COPS5: variants seen among roughly 807,000 people sequenced by gnomAD.
COPS5 encodes COP9 signalosome subunit 5.
Under a neutral mutation model 44.4 loss-of-function variants are expected in COPS5, and 8 were observed. The observed-to-expected ratio is 0.18, with a 90% CI of 0.11 to 0.32. COPS5 has a LOEUF of 0.32. COPS5 is among the 10% of genes least tolerant of loss of function. The pLI is 1.00. For missense variants in COPS5, 159 were observed against 406.4 expected (o/e 0.39, Z 5.23); for synonymous variants, 122 against 142.8 (o/e 0.85, Z 1.04).
chr8:67,049,014 A>G (rs1816735584), intron 6 of COPS5, among the ~76,000 whole-genome samples: 1 of 152,210 alleles, frequency 6.6e-6, no homozygotes, highest in Non-Finnish European at 1.5e-5. Context: ...ATTTTTTAGT[A>G]TAGATATCAT....
rs776553636 is a variant in COPS5, at chr8:67,056,616, T to A, written c.574-12A>T. On this transcript the variant is annotated splice_polypyrimidine_tract_variant and intron_variant, in intron 4 of 7. Coordinates refer to ENST00000357849, the MANE Select transcript of COPS5 (RefSeq NM_006837.3). ...GGAGGTTTGTAGCCCTAAACAAAAA[T>A]GAGGTAAACAGAAGATTAAGAAAAA... 1.4e-6 allele frequency: 1 copy of A among 720,754 alleles called. No individual in the cohort carries two copies. The highest frequency in any genetic ancestry group is 2.0e-6 in the Non-Finnish European group (1 of 504,766). The allele number at this position is 720,754 out of a possible 1,614,324, so 44.6% of individuals were successfully genotyped here. A position where few individuals can be genotyped will look rare whatever the true frequency, so the allele number is the denominator to read the frequency against.
chr8:67,043,404 T>C, intron 7 of COPS5, 87 bp from the exon 8 acceptor site: 1 of 744,328 alleles, frequency 1.3e-6, no homozygotes, highest in Non-Finnish European at 2.2e-6. Context: ...TCCATGTAAC[T>C]CCAATGAGTT....
chr8:67,053,327 G>C (rs1449879322), intron 5 of COPS5, among the ~76,000 whole-genome samples: 2 of 150,960 alleles, frequency 1.3e-5, no homozygotes, highest in Non-Finnish European at 2.9e-5. Flanking sequence ...CTGACCTCAA[G>C]TGATCCACCG....
chr8:67,059,547 G>T (rs1328894246), intron 1 of COPS5, 102 bp from the exon 2 acceptor site: 6 of 814,350 alleles, frequency 7.4e-6, no homozygotes, highest in Non-Finnish European at 1.2e-5. Context: ...AATTTAGAGC[G>T]ATGGAAAGGG....
At chr8:67,050,508 G>A (rs1232450691) in intron 6 of COPS5, among the ~76,000 whole-genome samples, 1 of 151,906 alleles carries the variant, frequency 6.6e-6, no homozygotes, top group East Asian at 1.9e-4. Flanking sequence ...ATGTGATTAA[G>A]TAAAGCCAGT....
intron 5 of COPS5, among the ~76,000 whole-genome samples, chr8:67,055,168 A>T (rs77739367): frequency 0.025 from 3,774 of 152,300 alleles, 166 homozygotes; most frequent in African/African-American, 0.086. Context: ...TAAGGAAGTC[A>T]ATATGGCTGG....
intron 5 of COPS5, among the ~76,000 whole-genome samples, chr8:67,054,059 C>T (rs1405856648): frequency 2.0e-5 from 3 of 150,488 alleles, no homozygotes; most frequent in African/African-American, 7.3e-5. Context: ...AAATTCTAGT[C>T]TTTAGCAATG....
At chr8:67,055,232 G>A (rs1804485774) in intron 5 of COPS5, among the ~76,000 whole-genome samples, 1 of 152,228 alleles carries the variant, frequency 6.6e-6, no homozygotes, top group African/African-American at 2.4e-5. Context: ...GAGGCTGTAG[G>A]AGCCAGACCA....
At chr8:67,046,416 A>C (rs975502974) in intron 6 of COPS5, among the ~76,000 whole-genome samples, 8 of 152,162 alleles carry the variant, frequency 5.3e-5, no homozygotes, top group African/African-American at 1.9e-4. Flanking sequence ...AGTTTTTGGG[A>C]CTGTTCATGA....
At chr8:67,056,136 G>A (rs144284929) in intron 5 of COPS5, among the ~76,000 whole-genome samples, 3 of 152,000 alleles carry the variant, frequency 2.0e-5, no homozygotes, top group Non-Finnish European at 4.4e-5. Flanking sequence ...CAAATGACAT[G>A]CTAGTTTGAA....
At chr8:67,055,624 T>C (rs1319948120) in intron 5 of COPS5, among the ~76,000 whole-genome samples, 2 of 152,004 alleles carry the variant, frequency 1.3e-5, no homozygotes, top group East Asian at 3.9e-4. Context: ...TCCCAGCACT[T>C]TGGGAGGCCG....
chr8:67,056,945 GA>G (rs1804523085), intron 4 of COPS5, among the ~76,000 whole-genome samples: 1 of 151,880 alleles, frequency 6.6e-6, no homozygotes, highest in South Asian at 2.1e-4. Flanking sequence ...GCCAGGGAAG[GA>G]AATAGACCTA....
intron 5 of COPS5, among the ~76,000 whole-genome samples, chr8:67,054,866 C>T (rs1370530278): frequency 6.6e-6 from 1 of 151,966 alleles, no homozygotes; most frequent in East Asian, 1.9e-4. Context: ...AATTTGTGTT[C>T]ACATTCTAAA....
chr8:67,059,572 G>T, intron 1 of COPS5, 127 bp from the exon 2 acceptor site: 1 of 693,682 alleles, frequency 1.4e-6, no homozygotes. Flanking sequence ...TAGACTACGG[G>T]GAGAAAAAGT....
intron 1 of COPS5, chr8:67,061,168 T>C (rs1804607880): frequency 5.3e-6 from 1 of 189,264 alleles, no homozygotes; most frequent in Non-Finnish European, 1.1e-5. Context: ...CAGGGAAAAA[T>C]GGATATTGTT....
chr8:67,054,916 C>T (rs1804480893), intron 5 of COPS5, among the ~76,000 whole-genome samples: 1 of 152,140 alleles, frequency 6.6e-6, no homozygotes, highest in Non-Finnish European at 1.5e-5. Context: ...CAGATGGTTA[C>T]AGTGCTAAGA....
chr8:67,045,294 A>G (rs537198913), intron 7 of COPS5: 155 of 152,724 alleles, frequency 1.0e-3, no homozygotes, highest in African/African-American at 3.4e-3. Context: ...TCTACAAAAA[A>G]TACAAAAAAA....
At chr8:67,044,987 G>A (rs767557723) in intron 7 of COPS5, 7 of 152,016 alleles carry the variant, frequency 4.6e-5, no homozygotes, top group Admixed American at 1.3e-4. Context: ...TAATTATTTC[G>A]TAAGTTATTA....
intron 7 of COPS5, 95 bp downstream of exon 7, chr8:67,045,717 A>C: frequency 8.1e-7 from 1 of 1,231,544 alleles, no homozygotes; most frequent in African/African-American, 1.5e-5. Flanking sequence ...GTTGTAACTA[A>C]CTTGAGCCAT....
Sources: gnomAD v4.1 joint callset for allele counts (sites outside exome capture counted in the v4.1 genomes callset) on GRCh38, gnomAD v4.1.1 for gene constraint, MANE v1.5 for transcripts, NCBI Gene and HGNC (gene_info 2026-07-23, HGNC 2026-07-21) for gene names.